Variants in RAB11FIP5 observed in about 807,000 individuals in gnomAD.
The protein encoded by RAB11FIP5 is rab11 family-interacting protein 5.
A neutral mutation model predicts 85.1 loss-of-function variants in RAB11FIP5; 48 were observed. The ratio of observed to expected loss-of-function variants is 0.56; its 90% confidence interval spans 0.45 to 0.72. The LOEUF (loss-of-function observed/expected upper bound fraction) is 0.72. Ranked by LOEUF, RAB11FIP5 falls within the 30% of genes least tolerant of loss-of-function variation. The probability of loss-of-function intolerance (pLI) is 0.00; values close to 1 mark genes in which losing one functional copy is unlikely to be tolerated. For synonymous variants in RAB11FIP5, 729 were observed against 727.3 expected, an observed-to-expected ratio of 1.00 and a Z score of -0.04; for missense variants, 1,491 against 1,687.0, an observed-to-expected ratio of 0.88 and a Z score of 2.04.
intron 1 of RAB11FIP5, among the ~76,000 whole-genome samples, chr2:73,097,971 G>T (rs1331410955): frequency 1.3e-5 from 2 of 152,182 alleles, no homozygotes; most frequent in Non-Finnish European, 2.9e-5. Flanking sequence ...CCTACTGTGT[G>T]CTGGCACAAT....
At position 73,078,027 on chromosome 2, in the gene RAB11FIP5, C is replaced by T. The variant is rs1269580348; in HGVS notation, c.3581+1624G>A. ...CGGGAAGAGTGGCAGAGCACCCATG[C>T]TCTGGGCAGACAGTATGGAGAAAGA... On this transcript the variant is annotated intron_variant, in intron 4 of 5. Coordinates refer to ENST00000486777, the MANE Select transcript of RAB11FIP5 (RefSeq NM_001371272.1). The surrounding 1 kb of genome is among the most constrained non-coding windows in gnomAD (Gnocchi z 4.4). 1.3e-5 allele frequency among the ~76,000 whole-genome samples: 2 copies of T among 152,240 alleles called. No homozygotes were observed. Among genetic ancestry groups the T allele is most frequent in the Non-Finnish European group, 2.9e-5 (2 of 68,042 alleles).
In RAB11FIP5 at chr2:73,075,364, C is replaced by T. The variant is rs1220495703; in HGVS notation, c.*157G>A. The stretch of plus-strand genomic sequence containing the variant: ...ATGCCTCCAAAGGGAATCCAGAGGG[C>T]CCCCTTCCAGCAGCCCCAGTTGAGG... On this transcript the variant is annotated 3_prime_UTR_variant, in exon 6 of 6. Transcript: ENST00000486777. The surrounding 1 kb of genome is among the most constrained non-coding windows in gnomAD (Gnocchi z 4.6). 2.5e-6 allele frequency: 2 copies of T among 792,852 alleles called. No homozygotes were observed. Among genetic ancestry groups the T allele is most frequent in the Non-Finnish European group, 4.4e-6 (2 of 458,540 alleles). The allele number at this position is 792,852 out of a possible 1,614,324, so 49.1% of individuals were successfully genotyped here. A position where few individuals can be genotyped will look rare whatever the true frequency, so the allele number is the denominator to read the frequency against.
chr2:73,099,708 G>A (rs766850296), intron 1 of RAB11FIP5, among the ~76,000 whole-genome samples: 8 of 152,204 alleles, frequency 5.3e-5, no homozygotes, highest in Admixed American at 3.9e-4. Flanking sequence ...CTGCTAGCTG[G>A]GAGCAAGCTA....
rs1277961186 is a variant in RAB11FIP5 at position 73,112,793 on chromosome 2, G to T, written c.-16C>A. ...CCAGGGCCATGGCGGAGAAGCGGGG[G>T]GCGAGGTCTGGCCGAGCCGGTGCAG... On this transcript the variant is annotated 5_prime_UTR_variant, in exon 1 of 6. Transcript: ENST00000486777. 36 of 1,415,512 alleles carry T rather than the reference G, an allele frequency of 2.5e-5. No homozygotes were observed. The Admixed American group carries it at 1.1e-3, about 42-fold the overall frequency. 87.7% of individuals were successfully genotyped at this position (1,415,512 alleles called of 1,614,324 possible). A position where few individuals can be genotyped will look rare whatever the true frequency, so the allele number is the denominator to read the frequency against.
rs1684126599 is a variant in RAB11FIP5, at chr2:73,088,163, T to C, written c.1455A>G (p.Glu485=). ...AGGCCCCCAGGATGGGACCCCCCTT[T>C]TCCCCCAGAGAGCTTCGGCGACCCA... ...SELGRRSSLG[E]KGGPILGASP... The change falls in exon 3 of 6, where the codon GAA becomes GAG. Residue 485 remains glutamate, a synonymous_variant. Transcript: ENST00000486777. 6.2e-7 allele frequency: 1 copy of C among 1,614,026 alleles called. No homozygotes were observed.
At chr2:73,091,129 T>A (rs564775375) in intron 1 of RAB11FIP5, among the ~76,000 whole-genome samples, 20 of 152,134 alleles carry the variant, frequency 1.3e-4, no homozygotes, top group Admixed American at 1.1e-3. Flanking sequence ...TACAAGAATG[T>A]TTTTCTGAAC....
rs1683823946 is a variant in RAB11FIP5, at chr2:73,074,968, C to G, written c.*553G>C. On this transcript the variant is annotated 3_prime_UTR_variant, in exon 6 of 6. Coordinates refer to ENST00000486777, the MANE Select transcript of RAB11FIP5 (RefSeq NM_001371272.1). ...AGGACATGGCAGAGACTGGCCCAGA[C>G]CACACAGGCTTCTTGCTCTCAGGGG... 1 of 352,126 alleles carries G rather than the reference C, an allele frequency of 2.8e-6. No homozygotes were observed. Among genetic ancestry groups the G allele is most frequent in the African/African-American group, 2.1e-5 (1 of 46,688 alleles). 21.8% of individuals were successfully genotyped at this position (352,126 alleles called of 1,614,324 possible). A position where few individuals can be genotyped will look rare whatever the true frequency, so the allele number is the denominator to read the frequency against.
chr2:73,077,522 T>C (rs1326285048), intron 4 of RAB11FIP5, among the ~76,000 whole-genome samples: 2 of 152,226 alleles, frequency 1.3e-5, no homozygotes, highest in Non-Finnish European at 2.9e-5. Context: ...CTTTAATGGC[T>C]TCTATCAAGG....
In RAB11FIP5 at chr2:73,080,335, G is replaced by A. The variant is rs201440470; in HGVS notation, c.2897C>T (p.Ser966Phe). ...RESEESDSCSSATLLGQPGLE... is the reference protein window; with the variant it reads ...RESEESDSCSFATLLGQPGLE... ...GCCAGGCTGGCCCAGCAGGGTTGCAGAGGAGCAGCTGTCAGACTCCTCCGA... is the reference window on the plus strand; with the variant it reads ...GCCAGGCTGGCCCAGCAGGGTTGCAAAGGAGCAGCTGTCAGACTCCTCCGA... The change falls in exon 4 of 6, where the codon TCT (serine) becomes TTT (phenylalanine). Residue 966 changes from serine (S) to phenylalanine (F), a missense_variant. By Grantham distance (155) the Ser-to-Phe change is radical (BLOSUM62 -2). Coordinates refer to ENST00000486777, the MANE Select transcript of RAB11FIP5 (RefSeq NM_001371272.1). 1.8e-5 allele frequency: 22 copies of A among 1,232,750 alleles called. No homozygotes were observed. The Admixed American group carries it at 4.2e-4, about 24-fold the overall frequency. 76.4% of individuals were successfully genotyped at this position (1,232,750 alleles called of 1,614,324 possible). A position where few individuals can be genotyped will look rare whatever the true frequency, so the allele number is the denominator to read the frequency against.
chr2:73,112,826 G>C lies in RAB11FIP5; in HGVS notation c.-49C>G. On this transcript the variant is annotated 5_prime_UTR_variant, in exon 1 of 6. Transcript: ENST00000486777. ...CTGGCCGAGCCGGTGCAGACCCCAG[G>C]ACCTGGTGACAAACCCGGCCGCGGC... 1 of 1,344,700 alleles carries C rather than the reference G, an allele frequency of 7.4e-7. No homozygotes were observed. The highest frequency in any genetic ancestry group is 3.1e-5 in the East Asian group (1 of 32,670). The allele number at this position is 1,344,700 out of a possible 1,614,324, so 83.3% of individuals were successfully genotyped here. A position where few individuals can be genotyped will look rare whatever the true frequency, so the allele number is the denominator to read the frequency against.
Position 73,078,462 on chromosome 2 carries a change from C to G in RAB11FIP5, c.3581+1189G>C, listed in dbSNP as rs1311332491. The stretch of plus-strand genomic sequence containing the variant: ...GCAACCACCAGCTCCCCCACATCCT[C>G]TCCCTCACCTCAAGGGAGGAGAGTC... On this transcript the variant is annotated intron_variant, in intron 4 of 5. Transcript: ENST00000486777. This position sits in a 1 kb window ranked among gnomAD's most constrained non-coding sequence, Gnocchi z 4.4. Among the ~76,000 whole-genome samples the G allele has an allele frequency of 6.6e-6, 1 of 152,202 alleles. No homozygotes were observed. The highest frequency in any genetic ancestry group is 1.5e-5 in the Non-Finnish European group (1 of 68,040).
At position 73,088,709 on chromosome 2, in the gene RAB11FIP5, C is replaced by T; in HGVS notation, c.909G>A (p.Lys303=). The T allele has an allele frequency of 6.2e-7, 1 of 1,611,014 alleles. No homozygotes were observed. The highest frequency in any genetic ancestry group is 1.7e-5 in the Admixed American group (1 of 59,838). The change falls in exon 3 of 6, where the codon AAG becomes AAA. Residue 303 remains lysine (K), a synonymous_variant. Coordinates refer to ENST00000486777, the MANE Select transcript of RAB11FIP5 (RefSeq NM_001371272.1). ...SAQSPKLFTH[K]RTYSDEANQM... is the part of the protein sequence containing the mutation. ...GGTTGGCCTCATCGCTGTAGGTCCT[C>T]TTATGGGTGAACAGCTTGGGGGACT...
rs761866993 is a variant in RAB11FIP5, at chr2:73,088,766, C to A, written c.869-17G>T. On this transcript the variant is annotated splice_polypyrimidine_tract_variant and intron_variant, in intron 2 of 5. Transcript: ENST00000486777. ...AGTCCCTGCCTGCAGGGGAAACACA[C>A]AGAGTTAGCTCGCAGGAAGAGAGGC... 1.8e-5 allele frequency: 28 copies of A among 1,568,948 alleles called. No homozygotes were observed. Among genetic ancestry groups the A allele is most frequent in the Non-Finnish European group, 2.4e-5 (28 of 1,160,262 alleles).
rs1241842778 is a variant in RAB11FIP5, at chr2:73,112,895, G to A, written c.-118C>T. The A allele has an allele frequency of 5.7e-5, 56 of 977,624 alleles. No homozygotes were observed. The highest frequency in any genetic ancestry group is 7.0e-5 in the Non-Finnish European group (53 of 754,694). 60.6% of individuals were successfully genotyped at this position (977,624 alleles called of 1,614,324 possible). On this transcript the variant is annotated 5_prime_UTR_variant, in exon 1 of 6. Coordinates refer to ENST00000486777, the MANE Select transcript of RAB11FIP5 (RefSeq NM_001371272.1). The stretch of plus-strand genomic sequence containing the variant: ...AACTCTGAGCGCCGCCGCAGCTGCG[G>A]GCTGGGCTGGGCCGGGCCGACCGGC...
At position 73,086,864 on chromosome 2, in the gene RAB11FIP5, C is replaced by A. The variant is rs1684099550; in HGVS notation, c.1568+1186G>T. ...GTGGCATGCCCCTGAAACTGATCCACCCCCCCATACCCCTATCTATGAGGG... is the reference window on the plus strand; with the variant it reads ...GTGGCATGCCCCTGAAACTGATCCAACCCCCCATACCCCTATCTATGAGGG... On this transcript the variant is annotated intron_variant, in intron 3 of 5. Transcript: ENST00000486777. The surrounding 1 kb of genome is among the most constrained non-coding windows in gnomAD (Gnocchi z 4.4). Among the ~76,000 whole-genome samples the A allele has an allele frequency of 6.7e-6, 1 of 149,250 alleles. No homozygotes were observed. The highest frequency in any genetic ancestry group is 1.5e-5 in the Non-Finnish European group (1 of 67,988).
Position 73,079,841 on chromosome 2 carries a change from C to T in RAB11FIP5, c.3391G>A (p.Ala1131Thr). The T allele has an allele frequency of 8.1e-7, 1 of 1,232,326 alleles. No homozygotes were observed. Among genetic ancestry groups the T allele is most frequent in the Non-Finnish European group, 1.0e-6 (1 of 988,144 alleles). The allele number at this position is 1,232,326 out of a possible 1,614,324, so 76.3% of individuals were successfully genotyped here. ...GCAGAGGAGGTAGTCAGGGGCCAGG[C>T]TTCAGACAGGGGAGAGCATGGAGGG... ...PSPPCSPLSE[A>T]WPLTTSSAPP... The change falls in exon 4 of 6, where the codon GCC becomes ACC. Residue 1131 changes from alanine to threonine, a missense_variant. Physicochemically the swap from Ala to Thr is moderately conservative, Grantham distance 58. Transcript: ENST00000486777.
chr2:73,088,268 C>A lies in RAB11FIP5; in HGVS notation c.1350G>T (p.Lys450Asn). Residue 450 changes from lysine (K) to asparagine (N), a missense_variant, in exon 3 of 6, where the codon AAG (lysine) becomes AAT (asparagine). Lys to Asn is a moderately conservative substitution (Grantham distance 94). Around this residue, in one of 3 missense-constraint regions of RAB11FIP5, gnomAD observed 1,211 missense variants for 1,338.0 expected, o/e 0.91. Transcript: ENST00000486777. Reference protein sequence around the residue: ...IVASSEAVAEKEGARKEERKP... With the variant: ...IVASSEAVAENEGARKEERKP... ...TGCGTTCCTCCTTCCGGGCTCCCTC[C>A]TTCTCTGCCACAGCCTCAGAGGAGG... 6.2e-7 allele frequency: 1 copy of A among 1,612,358 alleles called. No homozygotes were observed. Among genetic ancestry groups the A allele is most frequent in the Non-Finnish European group, 8.5e-7 (1 of 1,178,512 alleles).
At chr2:73,104,546 C>T (rs1684488150) in intron 1 of RAB11FIP5, among the ~76,000 whole-genome samples, 1 of 152,114 alleles carries the variant, frequency 6.6e-6, no homozygotes, top group Non-Finnish European at 1.5e-5. Flanking sequence ...CCAGCCTGGG[C>T]AACACAGCAA....
At position 73,080,446 on chromosome 2, in the gene RAB11FIP5, C is replaced by A; in HGVS notation, c.2786G>T (p.Gly929Val). The change falls in exon 4 of 6, where the codon GGG becomes GTG. Residue 929 changes from glycine (G) to valine (V), a missense_variant. Physicochemically the swap from Gly to Val is moderately radical, Grantham distance 109. Coordinates refer to ENST00000486777, the MANE Select transcript of RAB11FIP5 (RefSeq NM_001371272.1). ...EKAAVGLSNR[G>V]PETEGEDASP... ...GGCATCTTCTCCCTCTGTCTCCGGC[C>A]CCCTGTTACTCAGCCCCACTGCGGC... The A allele has an allele frequency of 8.1e-7, 1 of 1,233,694 alleles. No homozygotes were observed. Among genetic ancestry groups the A allele is most frequent in the Non-Finnish European group, 1.0e-6 (1 of 988,824 alleles). The allele number at this position is 1,233,694 out of a possible 1,614,324, so 76.4% of individuals were successfully genotyped here.
Sources: gnomAD v4.1 joint callset for allele counts (sites outside exome capture counted in the v4.1 genomes callset) on GRCh38, gnomAD v4.1.1 for gene constraint, gnomAD v4.1.1 regional missense constraint, Gnocchi (gnomAD v3.1) non-coding constraint, MANE v1.5 for transcripts, NCBI Gene and HGNC (gene_info 2026-07-23, HGNC 2026-07-21) for gene names.